Variants in ZNF568 observed in about 807,000 individuals in gnomAD.
The protein encoded by ZNF568 is zinc finger protein 568.
A neutral mutation model predicts 18.1 loss-of-function variants in ZNF568; 11 were observed. The ratio of observed to expected loss-of-function variants is 0.61; its 90% confidence interval spans 0.38 to 1.00. The LOEUF is 1.00. Ranked by LOEUF, ZNF568 falls within the 50% of genes least tolerant of loss-of-function variation. ZNF568 has a pLI of 0.01. For synonymous variants in ZNF568, 213 were observed against 246.6 expected, an observed-to-expected ratio of 0.86 and a Z score of 1.28; for missense variants, 639 against 768.2, an observed-to-expected ratio of 0.83 and a Z score of 1.99.
chr19:36,938,694 C>T (rs113734249), intron 6 of ZNF568, among the ~76,000 whole-genome samples: 271 of 152,206 alleles, frequency 1.8e-3, no homozygotes, highest in African/African-American at 5.9e-3. Flanking sequence ...CAGACAGTTA[C>T]CTGAGGGATT....
At chr19:36,940,170 T>C (rs1011838885) in intron 6 of ZNF568, among the ~76,000 whole-genome samples, 2 of 152,260 alleles carry the variant, frequency 1.3e-5, no homozygotes, top group Non-Finnish European at 2.9e-5. Flanking sequence ...GTGTTCATGC[T>C]ATTAAATAGG....
At chr19:36,968,224 TTA>T (rs1345038129) in intron 6 of ZNF568, among the ~76,000 whole-genome samples, 1 of 151,584 alleles carries the variant, frequency 6.6e-6, no homozygotes, top group Non-Finnish European at 1.5e-5. Context: ...ACATACAAAT[TTA>T]TATGAGAGTA....
At chr19:36,929,160 T>C (rs1268853695) in intron 4 of ZNF568, among the ~76,000 whole-genome samples, 3 of 152,200 alleles carry the variant, frequency 2.0e-5, no homozygotes, top group African/African-American at 4.8e-5. Context: ...AGTCAACATA[T>C]ACACCCAGAA....
intron 2 of ZNF568, among the ~76,000 whole-genome samples, chr19:36,986,424 A>G (rs1157721090): frequency 6.6e-6 from 1 of 152,162 alleles, no homozygotes; most frequent in Non-Finnish European, 1.5e-5. Context: ...CCTGGGCAAA[A>G]TAAGCCTCAG....
At chr19:36,920,457 T>C (rs1159759008) in intron 2 of ZNF568, among the ~76,000 whole-genome samples, 2 of 151,928 alleles carry the variant, frequency 1.3e-5, no homozygotes, top group Non-Finnish European at 2.9e-5. Context: ...ACCCCGTCTC[T>C]ACTAAAAATA....
chr19:36,962,451 G>A (rs575369601), intron 6 of ZNF568, among the ~76,000 whole-genome samples: 50 of 149,466 alleles, frequency 3.3e-4, no homozygotes, highest in Middle Eastern at 3.4e-3. Context: ...AGTGATTCCC[G>A]TGCCTCAGCC....
rs548028853 is a variant in ZNF568 at position 36,951,400 on chromosome 19, T to G, written c.*312T>G. 5.0e-6 allele frequency: 1 copy of G among 198,660 alleles called. No individual in the cohort carries two copies. The highest frequency in any genetic ancestry group is 1.6e-4 in the South Asian group (1 of 6,080). The allele number at this position is 198,660 out of a possible 1,614,324, so 12.3% of individuals were successfully genotyped here. A position where few individuals can be genotyped will look rare whatever the true frequency, so the allele number is the denominator to read the frequency against. Reference sequence around the variant, plus strand: ...ATTGCTGCGACAATTTTGAAAAGAATAGAGGAAACACCCTCACTGTATGAT... The same window carrying G: ...ATTGCTGCGACAATTTTGAAAAGAAGAGAGGAAACACCCTCACTGTATGAT... On this transcript the variant is annotated 3_prime_UTR_variant, in exon 7 of 7. Coordinates refer to ENST00000333987, the MANE Select transcript of ZNF568 (RefSeq NM_198539.4).
chr19:36,945,731 G>T (rs1006130886), intron 6 of ZNF568, among the ~76,000 whole-genome samples: 3 of 73,674 alleles, frequency 4.1e-5, no homozygotes, highest in African/African-American at 1.3e-4. Flanking sequence ...GGAAATGTGT[G>T]ATTATATGTG....
rs767853902 is a variant in ZNF568 at position 36,950,859 on chromosome 19, G to A, written c.1706G>A (p.Arg569Gln). The change falls in exon 7 of 7, where the codon CGA becomes CAA. Residue 569 changes from arginine to glutamine, a missense_variant. By Grantham distance (43) the Arg-to-Gln change is conservative. Transcript: ENST00000333987. ...AATGAATGTGGTAAAGCCTTCTCTCGAATCTCATCCCTCACTCTTCATGTG... is the reference window on the plus strand; with the variant it reads ...AATGAATGTGGTAAAGCCTTCTCTCAAATCTCATCCCTCACTCTTCATGTG... ...KCNECGKAFS[R>Q]ISSLTLHVRS... is the part of the protein sequence containing the mutation. 2.5e-5 allele frequency: 40 copies of A among 1,612,880 alleles called. No individual in the cohort carries two copies. Among genetic ancestry groups the A allele is most frequent in the South Asian group, 7.7e-5 (7 of 90,910 alleles).
downstream of ZNF568, chr19:36,980,315 ATAT>A (rs2074321127): frequency 6.6e-6 from 1 of 152,150 alleles, no homozygotes; most frequent in Non-Finnish European, 1.5e-5. Flanking sequence ...TCTATAAATG[ATAT>A]TATTTTGCCT....
intron 7 of ZNF568, among the ~76,000 whole-genome samples, chr19:36,977,475 TG>T (rs1156726496): frequency 6.6e-6 from 1 of 152,242 alleles, no homozygotes; most frequent in Non-Finnish European, 1.5e-5. Flanking sequence ...TCATTAATTC[TG>T]GCCAGTCCTC....
Position 36,952,583 on chromosome 19 carries a change from G to A in ZNF568, c.*1495G>A, listed in dbSNP as rs540505450. 6.4e-6 allele frequency: 1 copy of A among 155,186 alleles called. No homozygotes were observed. Among genetic ancestry groups the A allele is most frequent in the South Asian group, 2.1e-4 (1 of 4,872 alleles). 9.6% of individuals were successfully genotyped at this position (155,186 alleles called of 1,614,324 possible). On this transcript the variant is annotated 3_prime_UTR_variant, in exon 7 of 7. Transcript: ENST00000333987. ...TAAAACTATTTAAAATAGAATAGAA[G>A]GATACACACCCAATTATTGATAGCA...
chr19:36,995,394 G>T (rs1482429146), intron 4 of ZNF568, among the ~76,000 whole-genome samples: 1 of 152,100 alleles, frequency 6.6e-6, no homozygotes, highest in African/African-American at 2.4e-5. Flanking sequence ...GTGAGACTGT[G>T]TCTCAAAAAC....
At chr19:36,964,208 T>G (rs1189260141) in intron 6 of ZNF568, among the ~76,000 whole-genome samples, 1 of 151,614 alleles carries the variant, frequency 6.6e-6, no homozygotes, top group Non-Finnish European at 1.5e-5. Flanking sequence ...GTTTGTGAAA[T>G]ATTACTTTCT....
At chr19:36,932,201 T>C (rs1422888739) in intron 4 of ZNF568, among the ~76,000 whole-genome samples, 1 of 152,270 alleles carries the variant, frequency 6.6e-6, no homozygotes, top group Non-Finnish European at 1.5e-5. Flanking sequence ...TACAAGTTTT[T>C]ATGTGGTCAT....
At chr19:36,966,370 C>G (rs990711707) in intron 6 of ZNF568, among the ~76,000 whole-genome samples, 3 of 152,138 alleles carry the variant, frequency 2.0e-5, no homozygotes, top group Admixed American at 1.3e-4. Context: ...CTTAGTCTCC[C>G]AAAGTATTGG....
At chr19:36,929,408 A>C (rs897859551) in intron 4 of ZNF568, among the ~76,000 whole-genome samples, 8 of 152,112 alleles carry the variant, frequency 5.3e-5, no homozygotes, top group African/African-American at 1.9e-4. Context: ...GGGTGTGGCC[A>C]GGCGTGGTGG....
At chr19:36,933,924 G>GTTTTTTTTTTTTTTTTTTTTTT (rs140279289) in intron 4 of ZNF568, among the ~76,000 whole-genome samples, 11 of 29,890 alleles carry the variant, frequency 3.7e-4, no homozygotes, top group East Asian at 1.0e-3. Context: ...TTGTTTTTTT[G>GTTTTTTTTTTTTTTTTTTTTTT]TTTTTTTTTT....
At chr19:36,990,200 C>T (rs896716331) in intron 2 of ZNF568, among the ~76,000 whole-genome samples, 2 of 152,160 alleles carry the variant, frequency 1.3e-5, no homozygotes, top group Admixed American at 1.3e-4. Context: ...AGTATGTGCG[C>T]ACCTCGTGTG....
Sources: gnomAD v4.1 joint callset for allele counts (sites outside exome capture counted in the v4.1 genomes callset) on GRCh38, gnomAD v4.1.1 for gene constraint, MANE v1.5 for transcripts, NCBI Gene and HGNC (gene_info 2026-07-23, HGNC 2026-07-21) for gene names.